The following HLCS variants were observed in gnomAD, a reference collection of about 807,000 sequenced individuals.
HLCS encodes the protein biotin--protein ligase.
In HLCS, 53 loss-of-function variants were observed where a neutral mutation model predicts 75.0. The ratio of observed to expected loss-of-function variants is 0.71; its 90% CI spans 0.57 to 0.89. HLCS has a LOEUF of 0.89. HLCS is among the 40% of genes least tolerant of loss of function. The probability of loss-of-function intolerance (pLI) is 0.00; values close to 1 mark genes in which losing one functional copy is unlikely to be tolerated. For missense variants in HLCS, 966 were observed against 1,074.0 expected, an observed-to-expected ratio of 0.90 and a Z score of 1.41; for synonymous variants, 431 against 428.6, an observed-to-expected ratio of 1.01 and a Z score of -0.07.
At chr21:36,837,996 C>G (rs1186307081) in intron 6 of HLCS, among the ~76,000 whole-genome samples, 1 of 152,142 alleles carries the variant, frequency 6.6e-6, no homozygotes, top group African/African-American at 2.4e-5. Flanking sequence ...TTTCTTTCCT[C>G]TTTCTTAAGT....
rs142689158 is a variant in HLCS at position 36,882,480 on chromosome 21, G to A, written c.1892+14380C>T. Among the ~76,000 whole-genome samples the A allele has an allele frequency of 8.4e-3, 1,283 of 151,846 alleles. 25 individuals carry two copies. The highest frequency in any genetic ancestry group is 0.03 in the African/African-American group (1,225 of 41,426). On this transcript the variant is annotated intron_variant, in intron 6 of 10. Coordinates refer to ENST00000674895, the MANE Select transcript of HLCS (RefSeq NM_001352514.2). ...TTTTGAAATAGAGTCTCACTCTGTC[G>A]CCCAGGCTGGAGTGCAGTGCCGCAA... is the stretch of plus-strand genomic sequence containing the variant.
chr21:36,759,776 T>C lies in HLCS; in HGVS notation c.2187A>G (p.Gly729=). The change falls in exon 9 of 11, where the codon GGA becomes GGG. Residue 729 remains glycine (G), a synonymous_variant. Coordinates refer to ENST00000674895, the MANE Select transcript of HLCS (RefSeq NM_001352514.2). The part of the protein sequence containing the change: ...IYYSDLMKIG[G]VLVNSTLMGE... Reference sequence around the variant, plus strand: ...CCATGAGTGTTGAGTTAACCAGAACTCCGCCGATCTTCATGAGGTCACTGT... The same window carrying C: ...CCATGAGTGTTGAGTTAACCAGAACCCCGCCGATCTTCATGAGGTCACTGT... The C allele has an allele frequency of 6.2e-7, 1 of 1,613,724 alleles. No individual in the cohort carries two copies. The highest frequency in any genetic ancestry group is 1.3e-5 in the African/African-American group (1 of 75,048).
chr21:36,790,045 G>A (rs2060810215), intron 6 of HLCS, among the ~76,000 whole-genome samples: 1 of 152,164 alleles, frequency 6.6e-6, no homozygotes, highest in African/African-American at 2.4e-5. Context: ...CACTCCCACT[G>A]GGGTTTGAAC....
chr21:36,980,196 T>TAAAAAAA (rs113653823), intron 1 of HLCS, among the ~76,000 whole-genome samples: 1 of 139,716 alleles, frequency 7.2e-6, no homozygotes, highest in African/African-American at 2.7e-5. Flanking sequence ...TGACTATATT[T>TAAAAAAA]AAAAAAAAAA....
chr21:36,859,573 A>C (rs1332845117), intron 6 of HLCS, among the ~76,000 whole-genome samples: 1 of 152,222 alleles, frequency 6.6e-6, no homozygotes, highest in Non-Finnish European at 1.5e-5. Context: ...AGAGGTAGGA[A>C]GATGGAAGAT....
chr21:36,815,837 C>A (rs577763218), intron 6 of HLCS, among the ~76,000 whole-genome samples: 2 of 152,212 alleles, frequency 1.3e-5, no homozygotes, highest in African/African-American at 4.8e-5. Flanking sequence ...AGATTTTTAC[C>A]GGTTCCTGGA....
intron 6 of HLCS, among the ~76,000 whole-genome samples, chr21:36,767,701 T>C (rs1298638125): frequency 1.3e-5 from 2 of 152,176 alleles, no homozygotes; most frequent in African/African-American, 4.8e-5. Context: ...GGTGCACTTC[T>C]GTTTGAACAC....
chr21:36,966,685 C>A, upstream of HLCS: 2 of 922,390 alleles, frequency 2.2e-6, no homozygotes, highest in Non-Finnish European at 2.6e-6. Context: ...CCCGCCCCAG[C>A]GCCCCAGGCC....
chr21:36,756,446 G>A (rs532791872), intron 10 of HLCS, 96 bp downstream of exon 10: 218 of 629,580 alleles, frequency 3.5e-4, no homozygotes, highest in South Asian at 3.3e-3. Flanking sequence ...GTGAGACTCC[G>A]TCTCAAAAAA....
intron 1 of HLCS, among the ~76,000 whole-genome samples, chr21:36,975,979 T>C (rs112509397): frequency 2.8e-4 from 42 of 152,332 alleles, no homozygotes; most frequent in African/African-American, 7.9e-4. Context: ...TTAGAACAGT[T>C]GAATTTTAGA....
At chr21:36,950,679 G>A (rs959009188) in intron 2 of HLCS, among the ~76,000 whole-genome samples, 7 of 151,694 alleles carry the variant, frequency 4.6e-5, no homozygotes, top group African/African-American at 1.2e-4. Flanking sequence ...ATCTTGCTAT[G>A]CTGCCCAGGC....
At chr21:36,796,097 TG>T (rs1350376979) in intron 6 of HLCS, among the ~76,000 whole-genome samples, 13 of 152,242 alleles carry the variant, frequency 8.5e-5, no homozygotes, top group Non-Finnish European at 1.5e-5. Flanking sequence ...GAAAGTTGCC[TG>T]ACTCGCTTCA....
At chr21:36,804,765 G>A (rs770231865) in intron 6 of HLCS, among the ~76,000 whole-genome samples, 41 of 152,206 alleles carry the variant, frequency 2.7e-4, no homozygotes, top group African/African-American at 7.5e-4. Context: ...AGTAGATGGC[G>A]TTTCTAAAAC....
At chr21:36,980,214 G>T (rs1165057506) in intron 1 of HLCS, among the ~76,000 whole-genome samples, 1 of 141,022 alleles carries the variant, frequency 7.1e-6, no homozygotes, top group African/African-American at 2.7e-5. Context: ...AAAAAAATAG[G>T]AAGAAACAAC....
At chr21:36,870,302 G>C (rs761626592) in intron 6 of HLCS, among the ~76,000 whole-genome samples, 16 of 151,186 alleles carry the variant, frequency 1.1e-4, no homozygotes, top group South Asian at 2.1e-4. Context: ...ATGAAGGGGT[G>C]GGGGGAGGAA....
At chr21:36,828,534 A>G (rs948070171) in intron 6 of HLCS, among the ~76,000 whole-genome samples, 2 of 152,208 alleles carry the variant, frequency 1.3e-5, no homozygotes, top group Admixed American at 6.5e-5. Context: ...CCTATGAAGT[A>G]ATTCTTCTTT....
chr21:36,772,657 A>AG (rs2060243674), intron 6 of HLCS, among the ~76,000 whole-genome samples: 4 of 151,096 alleles, frequency 2.6e-5, no homozygotes, highest in African/African-American at 9.7e-5. Context: ...AAAAAAAAAA[A>AG]AAGAAGGACA....
rs2089354462 is a variant in HLCS at position 36,751,242 on chromosome 21, G to A, written c.*3004C>T. On this transcript the variant is annotated 3_prime_UTR_variant, in exon 11 of 11. Transcript: ENST00000674895. ...GGTAGACTTGCTTTTTATAGGCATT[G>A]GTTTAAAGTGATTCTTTTCAGAGAC... 4 of 152,598 alleles carry A rather than the reference G, an allele frequency of 2.6e-5. No homozygotes were observed. 9.5% of individuals were successfully genotyped at this position (152,598 alleles called of 1,614,324 possible).
chr21:36,957,546 A>T (rs1322180070), intron 2 of HLCS, among the ~76,000 whole-genome samples: 1 of 152,224 alleles, frequency 6.6e-6, no homozygotes, highest in East Asian at 1.9e-4. Flanking sequence ...ATGTGATTTG[A>T]CCTACTTGAT....
Sources: gnomAD v4.1 joint callset for allele counts (sites outside exome capture counted in the v4.1 genomes callset) on GRCh38, gnomAD v4.1.1 for gene constraint, MANE v1.5 for transcripts, NCBI Gene and HGNC (gene_info 2026-07-23, HGNC 2026-07-21) for gene names.